VWF: variants seen among roughly 807,000 people sequenced by gnomAD.
VWF encodes von Willebrand factor, also known as Factor VIII related antigen.
A neutral mutation model predicts 308.6 loss-of-function variants in VWF; 176 were observed. The ratio of observed to expected loss-of-function variants is 0.57; its 90% confidence interval spans 0.50 to 0.65. VWF has a LOEUF of 0.65. Ranked by LOEUF, VWF falls within the 30% of genes least tolerant of loss-of-function variation. The probability of loss-of-function intolerance (pLI) is 0.00; values close to 1 mark genes in which losing one functional copy is unlikely to be tolerated. For synonymous variants in VWF, 1,385 were observed against 1,443.4 expected (o/e 0.96, Z 0.92); for missense variants, 3,146 against 3,648.2 (o/e 0.86, Z 3.55).
At chr12:6,102,560 C>A (rs969459074) in intron 5 of VWF, among the ~76,000 whole-genome samples, 38 of 152,080 alleles carry the variant, frequency 2.5e-4, no homozygotes, top group Middle Eastern at 3.4e-3. Context: ...CACGGTGAAA[C>A]CCCGTCTCTA....
At chr12:6,026,520 T>C (rs1990318) in intron 22 of VWF, among the ~76,000 whole-genome samples, 42,937 of 152,008 alleles carry the variant, frequency 0.28, 6,838 homozygotes, top group African/African-American at 0.42. Context: ...CTGTTCAGAG[T>C]AGGCTGGGCA....
intron 20 of VWF, among the ~76,000 whole-genome samples, chr12:6,033,831 G>A (rs1944300906): frequency 6.6e-6 from 1 of 152,222 alleles, no homozygotes; most frequent in African/African-American, 2.4e-5. Context: ...GCTCCTATGG[G>A]TTTGTGGTCT....
rs184909028 is a variant in VWF, at chr12:6,058,201, G to T, written c.1534-157C>A. 2.3e-5 allele frequency among the ~76,000 whole-genome samples: 3 copies of T among 127,922 alleles called. No individual in the cohort carries two copies. The highest frequency in any genetic ancestry group is 2.1e-4 in the East Asian group (1 of 4,878). The allele number at this position is 127,922 out of a possible 152,430, so 83.9% of individuals were successfully genotyped here. A position where few individuals can be genotyped will look rare whatever the true frequency, so the allele number is the denominator to read the frequency against. On this transcript the variant is annotated intron_variant, in intron 13 of 51. Transcript: ENST00000261405. This position sits in a 1 kb window ranked among gnomAD's most constrained non-coding sequence, Gnocchi z 4.9. ...GCAGCTAAGCCCTAGGCTGCAAAAG[G>T]GGGGGCGGGGGAAAGTGAACTGCAG...
intron 10 of VWF, among the ~76,000 whole-genome samples, chr12:6,070,848 C>T (rs1343537943): frequency 2.6e-5 from 4 of 152,188 alleles, no homozygotes; most frequent in African/African-American, 9.7e-5. Context: ...TTTCCGAGCT[C>T]TTGGACCACG....
At chr12:6,119,423 TC>T (rs2136533458) in intron 3 of VWF, among the ~76,000 whole-genome samples, 1 of 152,298 alleles carries the variant, frequency 6.6e-6, no homozygotes, top group African/African-American at 2.4e-5. Context: ...TCCCCAGGGC[TC>T]CATGTCAGGA....
chr12:6,050,474 C>T (rs1286847579), intron 16 of VWF, among the ~76,000 whole-genome samples: 1 of 152,210 alleles, frequency 6.6e-6, no homozygotes, highest in South Asian at 2.1e-4. Context: ...TAAGAACCTT[C>T]CAGGGGCCCC....
intron 34 of VWF, among the ~76,000 whole-genome samples, chr12:6,003,568 A>C (rs1943895240): frequency 6.6e-6 from 1 of 152,144 alleles, no homozygotes; most frequent in Non-Finnish European, 1.5e-5. Flanking sequence ...AACCTTGAAG[A>C]CATTATGCTA....
At chr12:6,079,604 T>C (rs574044837) in intron 6 of VWF, among the ~76,000 whole-genome samples, 2 of 146,618 alleles carry the variant, frequency 1.4e-5, no homozygotes, top group Admixed American at 6.7e-5. Context: ...AGTGAGACTC[T>C]GTCTCGAAAA....
At chr12:6,032,508 G>C (rs1944278467) in intron 20 of VWF, among the ~76,000 whole-genome samples, 1 of 151,002 alleles carries the variant, frequency 6.6e-6, no homozygotes. Flanking sequence ...CGTGGTGGCG[G>C]GCGCCTGTAG....
intron 6 of VWF, among the ~76,000 whole-genome samples, chr12:6,087,802 TAA>T (rs1944989952): frequency 1.3e-5 from 2 of 152,270 alleles, no homozygotes; most frequent in African/African-American, 4.8e-5. Context: ...CTTATGAGCC[TAA>T]GATTCCTAAC....
chr12:6,103,299 C>A (rs1037853850), intron 5 of VWF, among the ~76,000 whole-genome samples: 14 of 151,542 alleles, frequency 9.2e-5, no homozygotes, highest in Admixed American at 6.6e-5. Flanking sequence ...TGCACTCCAG[C>A]CTGGGCAACA....
In VWF at chr12:5,985,620, T is replaced by C. The variant is rs746891722; in HGVS notation, c.6844A>G (p.Thr2282Ala). 1.2e-6 allele frequency: 2 copies of C among 1,614,118 alleles called. No individual in the cohort carries two copies. Among genetic ancestry groups the C allele is most frequent in the South Asian group, 1.1e-5 (1 of 91,084 alleles). ...VPDHQPCQIC[T>A]CLSGRKVNCT... Reference sequence around the variant, plus strand: ...TTGACCTTCCGCCCGCTGAGGCATGTGCAGATCTGACAGGGCTGGTGGTCC... The same window carrying C: ...TTGACCTTCCGCCCGCTGAGGCATGCGCAGATCTGACAGGGCTGGTGGTCC... Residue 2282 changes from threonine (T) to alanine (A), a missense_variant, in exon 39 of 52, where the codon ACA becomes GCA. Thr to Ala is a moderately conservative substitution (Grantham distance 58). This residue lies in a region of VWF where 989 missense variants were observed against 1,117.4 expected (regional missense o/e 0.89). Coordinates refer to ENST00000261405, the MANE Select transcript of VWF (RefSeq NM_000552.5).
At chr12:6,044,166 C>A in intron 18 of VWF, 125 bp downstream of exon 18, 1 of 1,265,920 alleles carries the variant, frequency 7.9e-7, no homozygotes, top group Non-Finnish European at 1.1e-6. Flanking sequence ...ATTACCAGCA[C>A]CACCTCCATT....
chr12:6,110,583 C>A lies in VWF; in HGVS notation c.324-1G>T. ...TTTGGAGGCATAGGGCATGGAGACT[C>A]TGGAGGGCAAAGGCTAAGTTCAGAA... On this transcript the variant is annotated splice_acceptor_variant, in intron 4 of 51. Transcript: ENST00000261405. LOFTEE classifies it high-confidence loss of function. The A allele has an allele frequency of 6.2e-7, 1 of 1,614,142 alleles. No homozygotes were observed. The highest frequency in any genetic ancestry group is 8.5e-7 in the Non-Finnish European group (1 of 1,180,010).
At position 6,058,590 on chromosome 12, in the gene VWF, C is replaced by T. The variant is rs116060783; in HGVS notation, c.1534-546G>A. Among the ~76,000 whole-genome samples, 5 of 152,268 alleles carry T rather than the reference C, an allele frequency of 3.3e-5. No homozygotes were observed. The South Asian group carries it at 6.2e-4, about 19-fold the overall frequency. On this transcript the variant is annotated intron_variant, in intron 13 of 51. Transcript: ENST00000261405. This position sits in a 1 kb window ranked among gnomAD's most constrained non-coding sequence, Gnocchi z 4.9. ...AGCTCACGGTTAATGACAAGAAACA[C>T]CTCCCCACAACCTGCTGCCTGCCAC...
rs770628259 is a variant in VWF at position 6,019,254 on chromosome 12, C to T, written c.4164G>A (p.Gln1388=). 1.9e-6 allele frequency: 3 copies of T among 1,613,938 alleles called. No individual in the cohort carries two copies. Among genetic ancestry groups the T allele is most frequent in the Admixed American group, 3.3e-5 (2 of 60,010 alleles). The change falls in exon 28 of 52, where the codon CAG becomes CAA. Residue 1388 remains glutamine (Q), a synonymous_variant. Coordinates refer to ENST00000261405, the MANE Select transcript of VWF (RefSeq NM_000552.5). The surrounding 1 kb of genome is among the most constrained non-coding windows in gnomAD (Gnocchi z 5.8). Reference sequence around the variant, plus strand: ...AGTTCCGGGACATCCGTTGGGGCTCCTGGCTGGCCATCAGGAGCAGGGTGA... The same window carrying T: ...AGTTCCGGGACATCCGTTGGGGCTCTTGGCTGGCCATCAGGAGCAGGGTGA... ...SRITLLLMAS[Q]EPQRMSRNFV...
chr12:5,972,660 G>A (rs1943490302), intron 43 of VWF, among the ~76,000 whole-genome samples: 1 of 152,150 alleles, frequency 6.6e-6, no homozygotes, highest in Non-Finnish European at 1.5e-5. Flanking sequence ...GTCTCCACGA[G>A]ACCTACTGAT....
At chr12:5,964,036 T>C (rs200867274) in intron 47 of VWF, among the ~76,000 whole-genome samples, 1 of 151,730 alleles carries the variant, frequency 6.6e-6, no homozygotes, top group East Asian at 1.9e-4. Context: ...TGAAACCCCG[T>C]CTCTACTAAA....
At chr12:5,994,249 G>C in intron 36 of VWF, 46 bp from the exon 37 acceptor site, 2 of 1,609,768 alleles carry the variant, frequency 1.2e-6, no homozygotes, top group South Asian at 1.1e-5. Flanking sequence ...AGTGGCCCTG[G>C]GTACAAAAAC....
Sources: gnomAD v4.1 joint callset for allele counts (sites outside exome capture counted in the v4.1 genomes callset) on GRCh38, gnomAD v4.1.1 for gene constraint, gnomAD v4.1.1 regional missense constraint, Gnocchi (gnomAD v3.1) non-coding constraint, MANE v1.5 for transcripts, NCBI Gene and HGNC (gene_info 2026-07-23, HGNC 2026-07-21) for gene names.